PKP4: variants seen among roughly 807,000 people sequenced by gnomAD.
PKP4 encodes plakophilin 4.
In PKP4, 90 loss-of-function variants were observed where a neutral mutation model predicts 145.1. The ratio of observed to expected loss-of-function variants is 0.62; its 90% confidence interval spans 0.52 to 0.74. PKP4 has a LOEUF of 0.74. Ranked by LOEUF, PKP4 falls within the 30% of genes least tolerant of loss-of-function variation. The pLI, the probability that PKP4 is intolerant of heterozygous loss-of-function variation, is 0.00. For synonymous variants in PKP4, 563 were observed against 577.2 expected (o/e 0.98, Z 0.35); for missense variants, 1,340 against 1,482.7 (o/e 0.90, Z 1.58).
chr2:158,475,399 T>G (rs565220394), intron 1 of PKP4, among the ~76,000 whole-genome samples: 3 of 152,282 alleles, frequency 2.0e-5, no homozygotes, highest in African/African-American at 7.2e-5. Context: ...GCCCAGTGTT[T>G]TAGACACAGA....
intron 1 of PKP4, among the ~76,000 whole-genome samples, chr2:158,530,494 C>CTCTTTCTT (rs1388939917): frequency 7.7e-6 from 1 of 129,332 alleles, no homozygotes; most frequent in Non-Finnish European, 1.6e-5. Context: ...GATAGAAGTA[C>CTCTTTCTT]TCTTTCTTTC....
Position 158,648,154 on chromosome 2 carries a change from T to G in PKP4, c.1909+5455T>G, listed in dbSNP as rs181294200. ...TCGGTAATAATAGACTTTGTTCATA[T>G]GACTGCTACATGTACATTTCTTCCA... On this transcript the variant is annotated intron_variant, in intron 11 of 21. Coordinates refer to ENST00000389759, the MANE Select transcript of PKP4 (RefSeq NM_003628.6). Among the ~76,000 whole-genome samples, 205 of 152,356 alleles carry G rather than the reference T, an allele frequency of 1.3e-3. 1 individual carries two copies. The highest frequency in any genetic ancestry group is 4.8e-3 in the African/African-American group (200 of 41,588).
intron 4 of PKP4, among the ~76,000 whole-genome samples, chr2:158,615,011 C>CA (rs573282430): frequency 0.11 from 14,734 of 128,350 alleles, 876 homozygotes; most frequent in African/African-American, 0.17. Flanking sequence ...GTATATTTTA[C>CA]AAAAAAAAAA....
At chr2:158,556,776 A>G (rs2046130470) in intron 2 of PKP4, among the ~76,000 whole-genome samples, 1 of 152,334 alleles carries the variant, frequency 6.6e-6, no homozygotes, top group African/African-American at 2.4e-5. Flanking sequence ...TGGTACTGCC[A>G]TTGTATTTAG....
intron 12 of PKP4, chr2:158,658,571 AATTCC>A: frequency 3.0e-6 from 1 of 336,552 alleles, no homozygotes; most frequent in Middle Eastern, 8.2e-4. Flanking sequence ...TTACTGCCAA[AATTCC>A]AGTGTTTTCC....
Position 158,621,035 on chromosome 2 carries a change from T to C in PKP4, c.326T>C (p.Val109Ala). The C allele has an allele frequency of 6.2e-7, 1 of 1,614,140 alleles. No homozygotes were observed. Among genetic ancestry groups the C allele is most frequent in the South Asian group, 1.1e-5 (1 of 91,080 alleles). Residue 109 changes from valine to alanine, a missense_variant, in exon 5 of 22, where the codon GTC becomes GCC. Physicochemically the swap from Val to Ala is moderately conservative, Grantham distance 64. Coordinates refer to ENST00000389759, the MANE Select transcript of PKP4 (RefSeq NM_003628.6). ...GVSKPRVSDA[V>A]QPNNYLIRTE... Reference sequence around the variant, plus strand: ...AGCAAACCTAGAGTTTCTGACGCTGTCCAGCCCAACAACTATCTCATCAGG... The same window carrying C: ...AGCAAACCTAGAGTTTCTGACGCTGCCCAGCCCAACAACTATCTCATCAGG...
chr2:158,664,418 C>T (rs1478221074), intron 15 of PKP4, among the ~76,000 whole-genome samples: 1 of 152,188 alleles, frequency 6.6e-6, no homozygotes, highest in Admixed American at 6.5e-5. Context: ...TGTCCCCCAG[C>T]AACTTCCCAG....
intron 2 of PKP4, chr2:158,548,614 G>T (rs1277027232): frequency 6.3e-6 from 1 of 157,620 alleles, no homozygotes; most frequent in Non-Finnish European, 1.4e-5. Flanking sequence ...ACTACATCAG[G>T]TTGCAGCAGC....
intron 2 of PKP4, among the ~76,000 whole-genome samples, chr2:158,552,134 G>A (rs979956427): frequency 6.6e-6 from 1 of 152,228 alleles, no homozygotes; most frequent in Non-Finnish European, 1.5e-5. Flanking sequence ...CACACGAGAA[G>A]GCTCTGTGAA....
chr2:158,521,805 C>T (rs2042396274), intron 1 of PKP4, among the ~76,000 whole-genome samples: 1 of 152,052 alleles, frequency 6.6e-6, no homozygotes, highest in Non-Finnish European at 1.5e-5. Context: ...CAAAGAGGAA[C>T]TTATGTTTGC....
intron 1 of PKP4, among the ~76,000 whole-genome samples, chr2:158,459,935 T>A (rs1453537359): frequency 1.8e-4 from 27 of 152,182 alleles, no homozygotes; most frequent in Non-Finnish European, 4.4e-5. Flanking sequence ...TTTCAACTAG[T>A]GATCCTACAC....
At chr2:158,642,835 G>A (rs1448351183) in intron 11 of PKP4, 136 bp downstream of exon 11, 2 of 511,770 alleles carry the variant, frequency 3.9e-6, no homozygotes, top group African/African-American at 3.8e-5. Flanking sequence ...TCACAACTGT[G>A]AAGGCTGAGA....
chr2:158,563,168 G>A (rs1430199937), intron 2 of PKP4, among the ~76,000 whole-genome samples: 1 of 152,050 alleles, frequency 6.6e-6, no homozygotes, highest in East Asian at 1.9e-4. Flanking sequence ...TCTTTGATAG[G>A]TCAGAATTGG....
intron 1 of PKP4, among the ~76,000 whole-genome samples, chr2:158,504,677 A>T (rs1411074281): frequency 6.0e-5 from 1 of 16,658 alleles, no homozygotes; most frequent in Non-Finnish European, 1.1e-4. Context: ...AATATCCTTA[A>T]AAAAAAAACC....
At chr2:158,650,290 A>C (rs1232487843) in intron 11 of PKP4, among the ~76,000 whole-genome samples, 1 of 152,232 alleles carries the variant, frequency 6.6e-6, no homozygotes, top group Non-Finnish European at 1.5e-5. Flanking sequence ...TTTTCTGTAG[A>C]AATGCCTTTC....
intron 2 of PKP4, among the ~76,000 whole-genome samples, chr2:158,534,005 G>C (rs2043814652): frequency 6.6e-6 from 1 of 151,844 alleles, no homozygotes; most frequent in Admixed American, 6.6e-5. Flanking sequence ...CTCCAGGGAT[G>C]GTTTTTTTGT....
chr2:158,657,945 T>C (rs1413233221), intron 11 of PKP4, among the ~76,000 whole-genome samples, 186 bp from the exon 12 acceptor site: 2 of 152,198 alleles, frequency 1.3e-5, no homozygotes, highest in Admixed American at 6.5e-5. Flanking sequence ...ATTTGTAATA[T>C]GTTGTCGGAG....
chr2:158,565,435 C>CTTTTTTTTTTTTTTTTTTTTTTTT (rs10690465), intron 2 of PKP4, among the ~76,000 whole-genome samples: 1 of 135,764 alleles, frequency 7.4e-6, no homozygotes, highest in Non-Finnish European at 1.5e-5. Flanking sequence ...TTCTTTTTTC[C>CTTTTTTTTTTTTTTTTTTTTTTTT]TTTTTTTTTT....
Position 158,680,849 on chromosome 2 carries a change from G to C in PKP4, c.*172G>C. The C allele has an allele frequency of 1.6e-6, 1 of 611,068 alleles. No individual in the cohort carries two copies. Among genetic ancestry groups the C allele is most frequent in the Non-Finnish European group, 2.8e-6 (1 of 357,254 alleles). The allele number at this position is 611,068 out of a possible 1,614,324, so 37.9% of individuals were successfully genotyped here. On this transcript the variant is annotated 3_prime_UTR_variant, in exon 22 of 22. Coordinates refer to ENST00000389759, the MANE Select transcript of PKP4 (RefSeq NM_003628.6). Reference sequence around the variant, plus strand: ...TTATCAGGGAAGTGAGGAAATGTTTGGGAGAGGACTTTCTAAGCTCTATTT... The same window carrying C: ...TTATCAGGGAAGTGAGGAAATGTTTCGGAGAGGACTTTCTAAGCTCTATTT...
Sources: allele counts gnomAD v4.1 joint callset (sites outside exome capture counted in the v4.1 genomes callset), GRCh38; gene constraint gnomAD v4.1.1; transcripts MANE v1.5; gene names NCBI Gene and HGNC (gene_info 2026-07-23, HGNC 2026-07-21).